MAPK3: variants seen among roughly 807,000 people sequenced by gnomAD.
MAPK3 encodes MAPK 1.
Under a neutral mutation model 41.8 loss-of-function variants are expected in MAPK3, and 30 were observed. The observed-to-expected ratio is 0.72, with a 90% confidence interval of 0.54 to 0.97. The LOEUF (loss-of-function observed/expected upper bound fraction) is 0.97. MAPK3 is among the 50% of genes least tolerant of loss of function. The pLI, the probability that MAPK3 is intolerant of heterozygous loss-of-function variation, is 0.00. For missense variants in MAPK3, 413 were observed against 509.9 expected, an observed-to-expected ratio of 0.81 and a Z score of 1.83; for synonymous variants, 222 against 213.4, an observed-to-expected ratio of 1.04 and a Z score of -0.35.
At chr16:30,116,372 C>T (rs2072954169) in intron 8 of MAPK3, among the ~76,000 whole-genome samples, 2 of 151,788 alleles carry the variant, frequency 1.3e-5, no homozygotes, top group Admixed American at 1.3e-4. Flanking sequence ...TGGGATTTCA[C>T]CATGCAGGCC....
chr16:30,118,123 T>C lies in MAPK3; in HGVS notation c.584A>G (p.His195Arg), dbSNP rs758366759. The change falls in exon 4 of 9, where the codon CAT (histidine) becomes CGT (arginine). Residue 195 changes from histidine to arginine, a missense_variant. This residue lies in a region of MAPK3 where 140 missense variants were observed against 206.0 expected (regional missense o/e 0.68). Transcript: ENST00000263025. Reference protein sequence around the residue: ...FGLARIADPEHDHTGFLTEYV... With the variant: ...FGLARIADPERDHTGFLTEYV... Reference sequence around the variant, plus strand: ...CTCCGTCAGGAAGCCGGTGTGGTCATGCTCAGGATCGGCAATCCGGGCCAG... The same window carrying C: ...CTCCGTCAGGAAGCCGGTGTGGTCACGCTCAGGATCGGCAATCCGGGCCAG... 2 of 1,614,034 alleles carry C rather than the reference T, an allele frequency of 1.2e-6. No homozygotes were observed. Among genetic ancestry groups the C allele is most frequent in the Admixed American group, 1.7e-5 (1 of 60,000 alleles).
At chr16:30,117,345 G>A (rs1255029708) in intron 5 of MAPK3, 60 bp from the exon 6 acceptor site, 2 of 1,564,952 alleles carry the variant, frequency 1.3e-6, no homozygotes, top group Non-Finnish European at 1.7e-6. Flanking sequence ...AACAGAATAG[G>A]CAACAAGGCA....
In MAPK3 at chr16:30,116,659, C is replaced by T; in HGVS notation, c.*9G>A. 1 of 1,612,832 alleles carries T rather than the reference C, an allele frequency of 6.2e-7. No homozygotes were observed. The highest frequency in any genetic ancestry group is 8.5e-7 in the Non-Finnish European group (1 of 1,179,906). On this transcript the variant is annotated 3_prime_UTR_variant, in exon 8 of 9. Transcript: ENST00000263025. ...ACCAGGCCCCAGGGTGCAGAGATGT[C>T]TGTCTGGGCTAGGGGGCCTCCAGCA...
Position 30,118,150 on chromosome 16 carries a change from C to A in MAPK3, c.557G>T (p.Gly186Val). The A allele has an allele frequency of 6.2e-7, 1 of 1,613,874 alleles. No homozygotes were observed. Among genetic ancestry groups the A allele is most frequent in the East Asian group, 2.2e-5 (1 of 44,886 alleles). The change falls in exon 4 of 9, where the codon GGC becomes GTC. Residue 186 changes from glycine (G) to valine (V), a missense_variant. This residue lies in a region of MAPK3 where 140 missense variants were observed against 206.0 expected (regional missense o/e 0.68). Transcript: ENST00000263025. ...TTCDLKICDF[G>V]LARIADPEHD... is the part of the protein sequence containing the mutation. ...CTCAGGATCGGCAATCCGGGCCAGG[C>A]CGAAATCACAAATCTGGAATCAGAC...
At chr16:30,115,094 A>G (rs1219284867) in intron 8 of MAPK3, among the ~76,000 whole-genome samples, 2 of 150,548 alleles carry the variant, frequency 1.3e-5, no homozygotes, top group Non-Finnish European at 3.0e-5. Flanking sequence ...AAAAAAAATT[A>G]GCCGGTTGCA....
intron 3 of MAPK3, 51 bp from the exon 4 acceptor site, chr16:30,118,214 A>G: frequency 6.3e-7 from 1 of 1,582,826 alleles, no homozygotes; most frequent in South Asian, 1.1e-5. Flanking sequence ...TCTGCAGCCT[A>G]AGCAGTCACG....
At chr16:30,117,827 A>G (rs2072973714) in intron 4 of MAPK3, 43 bp from the exon 5 acceptor site, 1 of 1,492,648 alleles carries the variant, frequency 6.7e-7, no homozygotes, top group South Asian at 1.1e-5. Flanking sequence ...GCCAGCCTCA[A>G]CAGGGTCCTG....
chr16:30,119,839 T>G (rs1164735446), intron 2 of MAPK3, among the ~76,000 whole-genome samples: 1 of 152,210 alleles, frequency 6.6e-6, no homozygotes, highest in Non-Finnish European at 1.5e-5. Context: ...GCTGTTTGGC[T>G]TGTCTCTAGA....
chr16:30,121,694 C>T, intron 2 of MAPK3, 130 bp downstream of exon 2: 1 of 975,108 alleles, frequency 1.0e-6, no homozygotes, highest in Non-Finnish European at 1.5e-6. Flanking sequence ...TTCCCCTCTG[C>T]AGGAAAGTTT....
intron 1 of MAPK3, 155 bp downstream of exon 1, chr16:30,122,885 G>C: frequency 1.6e-6 from 1 of 630,532 alleles, no homozygotes; most frequent in Non-Finnish European, 2.4e-6. Flanking sequence ...GCACTCAGGG[G>C]CCCCCTCCCT....
Position 30,121,898 on chromosome 16 carries a change from C to G in MAPK3, c.279G>C (p.Leu93=), listed in dbSNP as rs1256990157. ...CGATGACATTCTCATGGCGGAAGCG[C>G]AGCAGGATCTGGATCTCCCGGAGCG... ...QRTLREIQIL[L]RFRHENVIGI... Residue 93 remains leucine (L), a synonymous_variant, in exon 2 of 9, where the codon CTG becomes CTC. Transcript: ENST00000263025. 2 of 1,614,078 alleles carry G rather than the reference C, an allele frequency of 1.2e-6. No individual in the cohort carries two copies. The highest frequency in any genetic ancestry group is 1.7e-6 in the Non-Finnish European group (2 of 1,180,050).
chr16:30,117,647 T>G (rs1238356171), intron 5 of MAPK3, 23 bp downstream of exon 5: 4 of 1,591,064 alleles, frequency 2.5e-6, no homozygotes, highest in Non-Finnish European at 3.5e-6. Context: ...CATCCCCAAC[T>G]CAGCCAGCCG....
rs11546680 is a variant in MAPK3 at position 30,117,162 on chromosome 16, T to C, written c.899A>G (p.Asp300Gly). 1 of 1,613,726 alleles carries C rather than the reference T, an allele frequency of 6.2e-7. No homozygotes were observed. Among genetic ancestry groups the C allele is most frequent in the Non-Finnish European group, 8.5e-7 (1 of 1,179,964 alleles). Reference protein sequence around the residue: ...VAWAKLFPKSDSKALDLLDRM... With the variant: ...VAWAKLFPKSGSKALDLLDRM... ...CCTCATGTCTCTCGAACCTTTGGAG[T>C]CTGACTTGGGGAAAAGCTTGGCCCA... Residue 300 changes from aspartate to glycine, a missense_variant, in exon 6 of 9, where the codon GAC (aspartate) becomes GGC (glycine). This residue lies in a region of MAPK3 where 123 missense variants were observed against 147.8 expected (regional missense o/e 0.83). Transcript: ENST00000263025.
At chr16:30,117,434 A>G in intron 5 of MAPK3, 149 bp from the exon 6 acceptor site, 1 of 874,372 alleles carries the variant, frequency 1.1e-6, no homozygotes. Flanking sequence ...GTGCAGAGCA[A>G]GGGGGCTGGG....
intron 2 of MAPK3, among the ~76,000 whole-genome samples, chr16:30,120,853 T>C (rs2073008941): frequency 6.6e-6 from 1 of 151,470 alleles, no homozygotes; most frequent in South Asian, 2.1e-4. Flanking sequence ...CTGGATAATT[T>C]TTAAATTTTT....
At chr16:30,117,610 G>T in intron 5 of MAPK3, 60 bp downstream of exon 5, 1 of 1,376,704 alleles carries the variant, frequency 7.3e-7, no homozygotes, top group South Asian at 1.2e-5. Context: ...TTGGACTCTC[G>T]AGAAATCTCA....
At chr16:30,116,264 C>T (rs1382755635) in intron 8 of MAPK3, among the ~76,000 whole-genome samples, 1 of 152,030 alleles carries the variant, frequency 6.6e-6, no homozygotes, top group African/African-American at 2.4e-5. Flanking sequence ...GTCTCGGACT[C>T]CTGACCTCAG....
Position 30,121,841 on chromosome 16 carries a change from C to T in MAPK3, c.336G>A (p.Leu112=), listed in dbSNP as rs1186558751. ...GIRDILRAST[L]EAMRDVYIVQ... ...AAGGATACACATCTCTCATGGCTTC[C>T]AGGGTGGACGCCCGCAGAATGTCTC... Residue 112 remains leucine (L), a synonymous_variant, in exon 2 of 9, where the codon CTG becomes CTA. Coordinates refer to ENST00000263025, the MANE Select transcript of MAPK3 (RefSeq NM_002746.3). The T allele has an allele frequency of 1.9e-6, 3 of 1,614,072 alleles. No homozygotes were observed. The South Asian group carries it at 3.3e-5, about 18-fold the overall frequency.
rs41291696 is a variant in MAPK3, at chr16:30,116,846, C to T, written c.1017+48G>A. 9.2e-4 allele frequency: 1,490 copies of T among 1,613,164 alleles called. 17 individuals are homozygous for T. In the African/African-American group the frequency reaches 0.018, roughly 19 times the overall value. Reference sequence around the variant, plus strand: ...CTGGCATGGGGGATGCCTACGTGCCCCCCTGCTCCCCTGCCCCCAGCCCCA... The same window carrying T: ...CTGGCATGGGGGATGCCTACGTGCCTCCCTGCTCCCCTGCCCCCAGCCCCA... On this transcript the variant is annotated intron_variant, in intron 7 of 8. Transcript: ENST00000263025.
Sources: allele counts gnomAD v4.1 joint callset (sites outside exome capture counted in the v4.1 genomes callset), GRCh38; gene constraint gnomAD v4.1.1; regional missense constraint gnomAD v4.1.1; transcripts MANE v1.5; gene names NCBI Gene and HGNC (gene_info 2026-07-23, HGNC 2026-07-21).